The following MGAT4C variants were observed in gnomAD, a reference collection of about 807,000 sequenced individuals.
MGAT4C encodes the protein MGAT4 family member C.
A neutral mutation model predicts 40.1 loss-of-function variants in MGAT4C; 19 were observed. That is an observed-to-expected ratio of 0.47 (90% CI 0.33 to 0.70). MGAT4C has a LOEUF of 0.70. Ranked by LOEUF, MGAT4C falls within the 30% of genes least tolerant of loss-of-function variation. The pLI is 0.02. For missense variants in MGAT4C, 491 were observed against 563.2 expected (o/e 0.87, Z 1.30); for synonymous variants, 181 against 187.1 (o/e 0.97, Z 0.27).
At chr12:86,178,081 T>C (rs557718387) in intron 1 of MGAT4C, among the ~76,000 whole-genome samples, 145 of 152,068 alleles carry the variant, frequency 9.5e-4, no homozygotes, top group Non-Finnish European at 1.9e-3. Context: ...GGACTACAGG[T>C]GCCCACCACC....
intron 2 of MGAT4C, among the ~76,000 whole-genome samples, chr12:86,461,679 C>A (rs1957604349): frequency 6.6e-6 from 1 of 151,974 alleles, no homozygotes; most frequent in Non-Finnish European, 1.5e-5. Context: ...ACTAAGAATT[C>A]TAATAGAGAC....
At chr12:86,720,797 T>G (rs1393109219) in intron 2 of MGAT4C, among the ~76,000 whole-genome samples, 1 of 152,186 alleles carries the variant, frequency 6.6e-6, no homozygotes, top group African/African-American at 2.4e-5. Flanking sequence ...GATTTAGTCA[T>G]TATAAAGTAG....
chr12:86,588,731 A>G (rs1364110695), intron 2 of MGAT4C, among the ~76,000 whole-genome samples: 5 of 152,134 alleles, frequency 3.3e-5, no homozygotes, highest in African/African-American at 1.2e-4. Flanking sequence ...TCAAACTAGA[A>G]CTCAGGATTA....
At chr12:86,264,677 C>T (rs1952742317) in intron 4 of MGAT4C, among the ~76,000 whole-genome samples, 1 of 152,092 alleles carries the variant, frequency 6.6e-6, no homozygotes, top group Non-Finnish European at 1.5e-5. Context: ...GGTGCAGCTA[C>T]AGCCGCCCAA....
At chr12:86,517,863 T>C (rs1958723546) in intron 2 of MGAT4C, among the ~76,000 whole-genome samples, 1 of 152,154 alleles carries the variant, frequency 6.6e-6, no homozygotes. Context: ...ATTAGCCAGA[T>C]GGTCTCGATC....
At chr12:86,005,013 C>T (rs1290386406) in intron 2 of MGAT4C, among the ~76,000 whole-genome samples, 3 of 152,180 alleles carry the variant, frequency 2.0e-5, no homozygotes, top group South Asian at 2.1e-4. Flanking sequence ...ACAATCCAGT[C>T]GGATCATGCC....
intron 1 of MGAT4C, among the ~76,000 whole-genome samples, chr12:86,728,953 TAAG>T (rs1457047543): frequency 3.9e-5 from 6 of 152,174 alleles, no homozygotes; most frequent in African/African-American, 7.2e-5. Flanking sequence ...AATAAAAGAA[TAAG>T]AAGGATTAAT....
At chr12:86,560,407 A>G (rs751066815) in intron 2 of MGAT4C, among the ~76,000 whole-genome samples, 60 of 152,224 alleles carry the variant, frequency 3.9e-4, no homozygotes, top group Admixed American at 5.9e-4. Context: ...TAGCAAGTTT[A>G]GTCCAATAAC....
intron 2 of MGAT4C, among the ~76,000 whole-genome samples, chr12:86,670,732 A>G (rs544392647): frequency 6.6e-6 from 1 of 152,284 alleles, no homozygotes; most frequent in Non-Finnish European, 1.5e-5. Context: ...AAGATACTAT[A>G]AAAAATGAGC....
intron 1 of MGAT4C, among the ~76,000 whole-genome samples, chr12:86,743,044 T>TTGCATGTGTGTATGTGTATGTGTGTA (rs1951094867): frequency 2.7e-5 from 4 of 150,886 alleles, no homozygotes; most frequent in South Asian, 2.1e-4. Context: ...TATGTGTGTT[T>TTGCATGTGTGTATGTGTATGTGTGTA]TGCATGTGTG....
chr12:86,592,325 A>AT (rs1198601772), intron 2 of MGAT4C, among the ~76,000 whole-genome samples: 1 of 152,092 alleles, frequency 6.6e-6, no homozygotes, highest in Non-Finnish European at 1.5e-5. Context: ...TTACTGTGTG[A>AT]TTTTGAACAC....
chr12:86,795,669 G>A (rs190936459), intron 1 of MGAT4C, among the ~76,000 whole-genome samples: 13 of 151,744 alleles, frequency 8.6e-5, no homozygotes, highest in Admixed American at 7.2e-4. Flanking sequence ...GAAGAGAGAT[G>A]GATACATCTA....
At chr12:86,546,241 T>C (rs1328833079) in intron 2 of MGAT4C, among the ~76,000 whole-genome samples, 3 of 151,998 alleles carry the variant, frequency 2.0e-5, no homozygotes, top group South Asian at 2.1e-4. Flanking sequence ...ATTTTCATCA[T>C]TGACCTTCAG....
At chr12:86,546,438 T>C (rs1299475336) in intron 2 of MGAT4C, among the ~76,000 whole-genome samples, 1 of 151,870 alleles carries the variant, frequency 6.6e-6, no homozygotes, top group Non-Finnish European at 1.5e-5. Context: ...CTTCTGAAAC[T>C]TGGTAGGTGA....
rs1488400152 is a variant in MGAT4C, at chr12:85,973,726, C to T, written c.*5563G>A. 6.6e-6 allele frequency: 1 copy of T among 150,686 alleles called. No individual in the cohort carries two copies. The highest frequency in any genetic ancestry group is 1.5e-5 in the Non-Finnish European group (1 of 67,026). 9.3% of individuals were successfully genotyped at this position (150,686 alleles called of 1,614,324 possible). ...TTTACCTATCACTTTCTCACATAATCAATTTAACTTTTTGGTAAATCTTCT... is the reference window on the plus strand; with the variant it reads ...TTTACCTATCACTTTCTCACATAATTAATTTAACTTTTTGGTAAATCTTCT... On this transcript the variant is annotated 3_prime_UTR_variant, in exon 5 of 5. Coordinates refer to ENST00000611864, the MANE Select transcript of MGAT4C (RefSeq NM_001351288.2).
intron 1 of MGAT4C, among the ~76,000 whole-genome samples, chr12:86,782,859 A>T (rs1049632122): frequency 3.3e-5 from 5 of 151,942 alleles, no homozygotes; most frequent in East Asian, 3.9e-4. Flanking sequence ...TCAGAAACCA[A>T]CCCCGCCAGC....
At chr12:86,155,922 T>C (rs1884877648) in intron 1 of MGAT4C, among the ~76,000 whole-genome samples, 1 of 152,172 alleles carries the variant, frequency 6.6e-6, no homozygotes, top group Non-Finnish European at 1.5e-5. Context: ...AACTTACACA[T>C]TTGCTGTTGC....
intron 1 of MGAT4C, among the ~76,000 whole-genome samples, chr12:86,065,773 C>T (rs1423764876): frequency 6.6e-6 from 1 of 152,126 alleles, no homozygotes; most frequent in Non-Finnish European, 1.5e-5. Flanking sequence ...CAAATTGCCT[C>T]TGTTTGCAGA....
intron 2 of MGAT4C, among the ~76,000 whole-genome samples, chr12:86,697,408 C>A (rs1950278033): frequency 6.6e-6 from 1 of 151,920 alleles, no homozygotes; most frequent in South Asian, 2.1e-4. Flanking sequence ...CTAAATTTTT[C>A]TAAGTCTAAA....
Sources: allele counts gnomAD v4.1 joint callset (sites outside exome capture counted in the v4.1 genomes callset), GRCh38; gene constraint gnomAD v4.1.1; transcripts MANE v1.5; gene names NCBI Gene and HGNC (gene_info 2026-07-23, HGNC 2026-07-21).